Variants in GLI3 observed in about 807,000 individuals in gnomAD.
GLI3 encodes the protein transcription activator GLI3.
In GLI3, 20 loss-of-function variants were observed where a neutral mutation model predicts 100.8. The ratio of observed to expected loss-of-function variants is 0.20; its 90% CI spans 0.14 to 0.29. GLI3 has a LOEUF of 0.29. Ranked by LOEUF, GLI3 falls within the 10% of genes least tolerant of loss-of-function variation. The pLI, the probability that GLI3 is intolerant of heterozygous loss-of-function variation, is 1.00. For missense variants in GLI3, 2,040 were observed against 2,128.5 expected (o/e 0.96, Z 0.82); for synonymous variants, 938 against 860.5 (o/e 1.09, Z -1.58).
In GLI3 at chr7:42,132,353, A is replaced by G. The variant is rs367863489; in HGVS notation, c.367+15873T>C. Among the ~76,000 whole-genome samples, 580 of 151,754 alleles carry G rather than the reference A, an allele frequency of 3.8e-3. 1 individual carries two copies. The highest frequency in any genetic ancestry group is 0.014 in the South Asian group (68 of 4,782). ...CTGACCTCCTGATCCGCCCGCCTTGACCTCCCAAAGTGCTGGGATTACAGG... is the reference window on the plus strand; with the variant it reads ...CTGACCTCCTGATCCGCCCGCCTTGGCCTCCCAAAGTGCTGGGATTACAGG... On this transcript the variant is annotated intron_variant, in intron 3 of 14. Coordinates refer to ENST00000395925, the MANE Select transcript of GLI3 (RefSeq NM_000168.6).
At chr7:42,145,319 C>A (rs1220718287) in intron 3 of GLI3, 2 of 369,476 alleles carry the variant, frequency 5.4e-6, no homozygotes, top group African/African-American at 4.2e-5. Flanking sequence ...AATACTATAT[C>A]TTTTATGTTC....
intron 2 of GLI3, among the ~76,000 whole-genome samples, chr7:42,186,396 T>A (rs975196173): frequency 2.6e-5 from 4 of 152,184 alleles, no homozygotes; most frequent in African/African-American, 7.2e-5. Context: ...CAGGTACCCA[T>A]GAGAGACTCA....
At chr7:42,019,537 A>G (rs1323444076) in intron 10 of GLI3, among the ~76,000 whole-genome samples, 2 of 152,244 alleles carry the variant, frequency 1.3e-5, no homozygotes, top group Non-Finnish European at 2.9e-5. Context: ...ACATCAGCAC[A>G]AACCAAATAG....
chr7:42,226,103 G>A (rs1048256325), intron 1 of GLI3, among the ~76,000 whole-genome samples: 4 of 152,136 alleles, frequency 2.6e-5, no homozygotes, highest in Admixed American at 2.6e-4. Flanking sequence ...ATATTTAATT[G>A]ATCCAAACAC....
chr7:42,085,473 T>C (rs1468330148), intron 3 of GLI3, among the ~76,000 whole-genome samples: 2 of 152,248 alleles, frequency 1.3e-5, no homozygotes, highest in Non-Finnish European at 2.9e-5. Context: ...ATTATTATTC[T>C]CCTAAGTCTT....
intron 7 of GLI3, among the ~76,000 whole-genome samples, chr7:42,034,591 T>A (rs1351052558): frequency 6.6e-6 from 1 of 151,984 alleles, no homozygotes; most frequent in Non-Finnish European, 1.5e-5. Flanking sequence ...TGCTGACAGT[T>A]CCCCCAATGC....
chr7:42,207,243 C>G (rs902564224), intron 2 of GLI3, among the ~76,000 whole-genome samples: 1 of 152,156 alleles, frequency 6.6e-6, no homozygotes, highest in South Asian at 2.1e-4. Flanking sequence ...ACAGCCAAAC[C>G]CTGGATGCCA....
chr7:41,990,027 T>C (rs73320235), intron 10 of GLI3, among the ~76,000 whole-genome samples: 7,036 of 150,600 alleles, frequency 0.047, 242 homozygotes, highest in African/African-American at 0.089. Context: ...AATGCTTATT[T>C]TCCTATTAAA....
rs1787363350 is a variant in GLI3, at chr7:42,171,079, G to C, written c.125-22611C>G. On this transcript the variant is annotated intron_variant, in intron 2 of 14. Coordinates refer to ENST00000395925, the MANE Select transcript of GLI3 (RefSeq NM_000168.6). ...TTTCCAGCTCTTCTGACTCTATACAGCTCTAGGAACTGTATTATCAGTTCA... is the reference window on the plus strand; with the variant it reads ...TTTCCAGCTCTTCTGACTCTATACACCTCTAGGAACTGTATTATCAGTTCA... 2.0e-5 allele frequency among the ~76,000 whole-genome samples: 3 copies of C among 152,102 alleles called. 1 individual carries two copies. The South Asian group carries it at 6.2e-4, about 32-fold the overall frequency.
At chr7:42,108,618 C>T (rs563177750) in intron 3 of GLI3, among the ~76,000 whole-genome samples, 1 of 152,078 alleles carries the variant, frequency 6.6e-6, no homozygotes, top group Non-Finnish European at 1.5e-5. Context: ...CCAAACACAA[C>T]TCAGCTAGAA....
At chr7:42,055,228 A>G (rs1315849349) in intron 4 of GLI3, among the ~76,000 whole-genome samples, 1 of 151,818 alleles carries the variant, frequency 6.6e-6, no homozygotes, top group Non-Finnish European at 1.5e-5. Flanking sequence ...ACAATCCTAT[A>G]CTTTTTTTTC....
At chr7:41,988,469 A>G (rs541021311) in intron 10 of GLI3, among the ~76,000 whole-genome samples, 1 of 30,146 alleles carries the variant, frequency 3.3e-5, no homozygotes, top group Non-Finnish European at 9.4e-5. Flanking sequence ...ATCTCAAAAA[A>G]AAAAAGGGGG....
Position 41,972,509 on chromosome 7 carries a change from C to T in GLI3, c.1931G>A (p.Gly644Glu), listed in dbSNP as rs780346422. ...PEAHVTKKQR[G>E]DIHPRPPPPR... is the part of the protein sequence containing the mutation. The stretch of plus-strand genomic sequence containing the variant: ...GGGTGGCGGCCGAGGATGGATGTCC[C>T]CTCGCTGCTTCTTGGTGACATGAGC... Residue 644 changes from glycine to glutamate, a missense_variant, in exon 13 of 15, where the codon GGG becomes GAG. Transcript: ENST00000395925. This position sits in a 1 kb window ranked among gnomAD's most constrained non-coding sequence, Gnocchi z 4.4. 1.9e-6 allele frequency: 3 copies of T among 1,613,228 alleles called. No individual in the cohort carries two copies. The highest frequency in any genetic ancestry group is 2.5e-6 in the Non-Finnish European group (3 of 1,180,014).
At chr7:42,133,381 A>G (rs1786341906) in intron 3 of GLI3, among the ~76,000 whole-genome samples, 1 of 152,178 alleles carries the variant, frequency 6.6e-6, no homozygotes, top group Admixed American at 6.5e-5. Context: ...CGATGCCTCC[A>G]AGTTCATTTA....
At chr7:42,192,812 C>T (rs1442341243) in intron 2 of GLI3, among the ~76,000 whole-genome samples, 1 of 152,204 alleles carries the variant, frequency 6.6e-6, no homozygotes, top group African/African-American at 2.4e-5. Flanking sequence ...TAGAGCACCA[C>T]CTTGAATTCG....
chr7:42,253,332 A>C (rs576803572), intron 1 of GLI3, among the ~76,000 whole-genome samples: 2 of 152,306 alleles, frequency 1.3e-5, no homozygotes, highest in Admixed American at 6.5e-5. Context: ...GAGACATCCA[A>C]GCCTGGTGTG....
intron 1 of GLI3, among the ~76,000 whole-genome samples, chr7:42,227,010 C>T (rs575382133): frequency 6.6e-6 from 1 of 152,268 alleles, no homozygotes; most frequent in African/African-American, 2.4e-5. Context: ...CTCCACGACA[C>T]TTTTAAAACC....
At chr7:42,060,899 G>A (rs1394903058) in intron 4 of GLI3, among the ~76,000 whole-genome samples, 1 of 152,156 alleles carries the variant, frequency 6.6e-6, no homozygotes, top group Non-Finnish European at 1.5e-5. Context: ...TTTTGAGTCT[G>A]AGCCATAATA....
chr7:41,966,722 T>A lies in GLI3; in HGVS notation c.2432-81A>T. The A allele has an allele frequency of 2.2e-6, 3 of 1,394,148 alleles. No individual in the cohort carries two copies. The highest frequency in any genetic ancestry group is 3.0e-6 in the Non-Finnish European group (3 of 987,414). 86.4% of individuals were successfully genotyped at this position (1,394,148 alleles called of 1,614,324 possible). On this transcript the variant is annotated intron_variant, in intron 14 of 14. Transcript: ENST00000395925. This position sits in a 1 kb window ranked among gnomAD's most constrained non-coding sequence, Gnocchi z 5.8. The stretch of plus-strand genomic sequence containing the variant: ...TTACACCAGGCATGAGCAACCCTTT[T>A]CTGTAAAGGGCCAGCTAGGAACTAT...
Sources: gnomAD v4.1 joint callset for allele counts (sites outside exome capture counted in the v4.1 genomes callset) on GRCh38, gnomAD v4.1.1 for gene constraint, Gnocchi (gnomAD v3.1) non-coding constraint, MANE v1.5 for transcripts, NCBI Gene and HGNC (gene_info 2026-07-23, HGNC 2026-07-21) for gene names.